CYRIB: variants seen among roughly 807,000 people sequenced by gnomAD.
CYRIB encodes the protein CYFIP-related Rac1 interactor B.
CYRIB carries 8 observed loss-of-function variants against 44.2 expected under a neutral mutation model. The observed-to-expected ratio is 0.18, with a 90% CI of 0.11 to 0.33. CYRIB has a LOEUF of 0.33. Among genes scored for constraint, CYRIB ranks in the 10% least tolerant of loss-of-function variants. CYRIB has a pLI of 1.00. For missense variants in CYRIB, 185 were observed against 382.8 expected, an observed-to-expected ratio of 0.48 and a Z score of 4.31; for synonymous variants, 131 against 127.2, an observed-to-expected ratio of 1.03 and a Z score of -0.20.
At chr8:129,860,319 T>A (rs1312018327) in intron 5 of CYRIB, among the ~76,000 whole-genome samples, 2 of 152,152 alleles carry the variant, frequency 1.3e-5, no homozygotes, top group Non-Finnish European at 2.9e-5. Flanking sequence ...CTGAGCACCA[T>A]CAAAAGCAAT....
chr8:129,915,707 T>C (rs1240729616), intron 1 of CYRIB, among the ~76,000 whole-genome samples: 2 of 152,200 alleles, frequency 1.3e-5, no homozygotes, highest in Non-Finnish European at 2.9e-5. Flanking sequence ...AAATGGTCCA[T>C]GGACCATCTG....
chr8:130,013,163 G>T (rs575462497), intron 1 of CYRIB, among the ~76,000 whole-genome samples: 1 of 152,276 alleles, frequency 6.6e-6, no homozygotes, highest in Non-Finnish European at 1.5e-5. Context: ...AATCATGGAT[G>T]GTGATCACTA....
chr8:129,966,756 T>G (rs1185311233), intron 2 of CYRIB, among the ~76,000 whole-genome samples: 4 of 152,194 alleles, frequency 2.6e-5, no homozygotes, highest in Non-Finnish European at 4.4e-5. Context: ...CAGGCTGGAG[T>G]GCAGAGGACC....
At chr8:129,892,851 C>T (rs1243111611) in intron 2 of CYRIB, among the ~76,000 whole-genome samples, 1 of 152,090 alleles carries the variant, frequency 6.6e-6, no homozygotes, top group Non-Finnish European at 1.5e-5. Context: ...AATATAATAC[C>T]ATTAAATCAA....
At chr8:129,849,191 G>A in intron 10 of CYRIB, 52 bp downstream of exon 12, 1 of 1,510,284 alleles carries the variant, frequency 6.6e-7, no homozygotes, top group South Asian at 1.3e-5. Flanking sequence ...AAAATCCTAT[G>A]GTTTCCATGG....
intron 1 of CYRIB, among the ~76,000 whole-genome samples, chr8:129,999,696 C>T (rs762918308): frequency 6.6e-6 from 1 of 152,232 alleles, no homozygotes; most frequent in Admixed American, 6.5e-5. Context: ...GGCACGATCA[C>T]GGCTCCCTGA....
At chr8:129,882,909 C>G (rs114548371) in intron 2 of CYRIB, among the ~76,000 whole-genome samples, 138 of 151,934 alleles carry the variant, frequency 9.1e-4, no homozygotes, top group African/African-American at 3.3e-3. Flanking sequence ...TTGAAAATGG[C>G]TCAGTTGGCT....
At chr8:129,992,260 C>G (rs1265253337) in intron 1 of CYRIB, among the ~76,000 whole-genome samples, 1 of 151,880 alleles carries the variant, frequency 6.6e-6, no homozygotes, top group Non-Finnish European at 1.5e-5. Context: ...GGTCAAGGCC[C>G]TCCAGCCTGG....
intron 2 of CYRIB, among the ~76,000 whole-genome samples, chr8:129,890,135 A>G (rs1456160787): frequency 6.6e-6 from 1 of 152,210 alleles, no homozygotes; most frequent in Non-Finnish European, 1.5e-5. Flanking sequence ...TGTTAAAATG[A>G]GTATCACATG....
At chr8:129,855,566 A>C in intron 6 of CYRIB, 45 bp downstream of exon 8, 1 of 1,601,158 alleles carries the variant, frequency 6.2e-7, no homozygotes, top group South Asian at 1.1e-5. Flanking sequence ...ACTCATTAAA[A>C]GATTCATGAT....
chr8:129,965,795 CAA>C (rs796986537), intron 2 of CYRIB, among the ~76,000 whole-genome samples: 1 of 132,210 alleles, frequency 7.6e-6, no homozygotes. Flanking sequence ...GACTCTGTCT[CAA>C]AAAAAAAAAA....
At chr8:129,845,095 G>C (rs991419937) in intron 11 of CYRIB, among the ~76,000 whole-genome samples, 1 of 152,070 alleles carries the variant, frequency 6.6e-6, no homozygotes, top group Non-Finnish European at 1.5e-5. Context: ...TACTTTGTGG[G>C]AGACTTCAAC....
At chr8:129,979,272 A>G (rs2096102317) in intron 1 of CYRIB, among the ~76,000 whole-genome samples, 1 of 152,098 alleles carries the variant, frequency 6.6e-6, no homozygotes, top group Admixed American at 6.6e-5. Flanking sequence ...AATCCCATAC[A>G]CATTTTGGGG....
At chr8:129,870,733 T>A (rs535817128) in intron 4 of CYRIB, among the ~76,000 whole-genome samples, 1 of 152,030 alleles carries the variant, frequency 6.6e-6, no homozygotes, top group South Asian at 2.1e-4. Flanking sequence ...AGGGGAGAGA[T>A]GAAGGCCCAG....
At chr8:129,902,166 G>C (rs1241176525) in intron 2 of CYRIB, among the ~76,000 whole-genome samples, 2 of 152,154 alleles carry the variant, frequency 1.3e-5, no homozygotes, top group Non-Finnish European at 2.9e-5. Flanking sequence ...TGTCATAGAA[G>C]TAACTGTTGT....
At chr8:130,009,488 G>C (rs994816173) in intron 1 of CYRIB, among the ~76,000 whole-genome samples, 36 of 152,152 alleles carry the variant, frequency 2.4e-4, no homozygotes, top group Admixed American at 9.8e-4. Context: ...GGCTGGTCTT[G>C]AACTCCTGAC....
At chr8:129,981,928 C>T (rs1272985958) in intron 1 of CYRIB, among the ~76,000 whole-genome samples, 1 of 152,204 alleles carries the variant, frequency 6.6e-6, no homozygotes, top group Non-Finnish European at 1.5e-5. Flanking sequence ...TGAAGGACAC[C>T]ATCATCTATT....
exon 4 of CYRIB, chr8:129,871,443 A>G: frequency 6.2e-7 from 1 of 1,611,718 alleles, no homozygotes; most frequent in Non-Finnish European, 8.5e-7. Flanking sequence ...GCATCTTTTA[A>G]TACTACATTC....
At chr8:129,951,436 G>A (rs1300004234) in intron 2 of CYRIB, among the ~76,000 whole-genome samples, 1 of 152,164 alleles carries the variant, frequency 6.6e-6, no homozygotes, top group East Asian at 1.9e-4. Context: ...GCCAGTTGCG[G>A]TGGCTCATGC....
Sources: gnomAD v4.1 joint callset for allele counts (sites outside exome capture counted in the v4.1 genomes callset) on GRCh38, gnomAD v4.1.1 for gene constraint, MANE v1.5 for transcripts, NCBI Gene and HGNC (gene_info 2026-07-23, HGNC 2026-07-21) for gene names.